The following SEC24B variants were observed in gnomAD, a reference collection of about 807,000 sequenced individuals.
The protein encoded by SEC24B is protein transport protein Sec24B.
SEC24B carries 45 observed loss-of-function variants against 142.8 expected under a neutral mutation model. The ratio of observed to expected loss-of-function variants is 0.32; its 90% CI spans 0.25 to 0.40. The LOEUF (loss-of-function observed/expected upper bound fraction) is 0.40. Ranked by LOEUF, SEC24B falls within the 10% of genes least tolerant of loss-of-function variation. The pLI is 1.00. For synonymous variants in SEC24B, 574 were observed against 568.2 expected (o/e 1.01, Z -0.15); for missense variants, 1,409 against 1,526.8 (o/e 0.92, Z 1.29).
chr4:109,434,102 G>C (rs1164513099), intron 1 of SEC24B, 100 bp downstream of exon 1: 1 of 825,736 alleles, frequency 1.2e-6, no homozygotes, highest in African/African-American at 1.8e-5. Flanking sequence ...AAGGGCGTTC[G>C]GGGCCAGGCC....
intron 5 of SEC24B, among the ~76,000 whole-genome samples, chr4:109,492,278 T>G (rs1735099378): frequency 6.6e-6 from 1 of 152,156 alleles, no homozygotes; most frequent in Non-Finnish European, 1.5e-5. Flanking sequence ...ACGACTCAGT[T>G]TTTTGTAGTT....
In SEC24B at chr4:109,513,758, T is replaced by C; in HGVS notation, c.1915T>C (p.Phe639Leu). The stretch of plus-strand genomic sequence containing the variant: ...GACCTCTTATCTAGTTCCTGAAGAA[T>C]TTATGTATAACCCCCTTACCCGATC... Reference protein sequence around the residue: ...CYRVNDVPEEFMYNPLTRSYG... With the variant: ...CYRVNDVPEELMYNPLTRSYG... Residue 639 changes from phenylalanine to leucine, a missense_variant, in exon 10 of 24, where the codon TTT becomes CTT. Around this residue, in one of 2 missense-constraint regions of SEC24B, gnomAD observed 700 missense variants for 853.3 expected, o/e 0.82. Transcript: ENST00000265175. 1 of 1,608,856 alleles carries C rather than the reference T, an allele frequency of 6.2e-7. No individual in the cohort carries two copies. The highest frequency in any genetic ancestry group is 8.5e-7 in the Non-Finnish European group (1 of 1,175,418).
At chr4:109,454,633 G>C (rs1457986981) in intron 1 of SEC24B, among the ~76,000 whole-genome samples, 1 of 152,058 alleles carries the variant, frequency 6.6e-6, no homozygotes, top group East Asian at 1.9e-4. Context: ...ACTTTCTGTT[G>C]CCTGCCTGTC....
chr4:109,531,339 A>G (rs1724907856), intron 19 of SEC24B, 46 bp from the exon 20 acceptor site: 1 of 1,517,392 alleles, frequency 6.6e-7, no homozygotes, highest in Non-Finnish European at 9.0e-7. Flanking sequence ...ATATTTGTCC[A>G]CCATATTTGT....
chr4:109,486,538 C>T (rs763175944), intron 4 of SEC24B, among the ~76,000 whole-genome samples: 5 of 152,124 alleles, frequency 3.3e-5, no homozygotes, highest in African/African-American at 4.8e-5. Flanking sequence ...TTTTCTCTTT[C>T]CTTTTTTCTT....
chr4:109,442,490 T>A (rs1034402835), intron 1 of SEC24B, among the ~76,000 whole-genome samples: 1 of 152,216 alleles, frequency 6.6e-6, no homozygotes, highest in Non-Finnish European at 1.5e-5. Flanking sequence ...CATTCTTCGA[T>A]CTGATTCTAC....
intron 3 of SEC24B, among the ~76,000 whole-genome samples, chr4:109,479,633 C>G (rs939436300): frequency 6.6e-6 from 1 of 151,996 alleles, no homozygotes; most frequent in Non-Finnish European, 1.5e-5. Flanking sequence ...TGGGGTCTCA[C>G]TATGTTGCCC....
rs1228941969 is a variant in SEC24B, at chr4:109,433,890, C to T, written c.21C>T (p.Ser7=). 1.5e-6 allele frequency: 2 copies of T among 1,343,476 alleles called. No homozygotes were observed. The highest frequency in any genetic ancestry group is 6.1e-5 in the Admixed American group (2 of 32,718). 83.2% of individuals were successfully genotyped at this position (1,343,476 alleles called of 1,614,324 possible). A position where few individuals can be genotyped will look rare whatever the true frequency, so the allele number is the denominator to read the frequency against. The change falls in exon 1 of 24, where the codon TCC becomes TCT. Residue 7 remains serine, a synonymous_variant. Transcript: ENST00000265175. ...CCGTCATGTCGGCCCCCGCCGGGTC[C>T]TCTCACCCGGCCGCCAGCGCCCGGA... MSAPAG[S]SHPAASARIP...
intron 3 of SEC24B, among the ~76,000 whole-genome samples, chr4:109,474,772 C>T (rs1732924789): frequency 6.6e-6 from 1 of 152,174 alleles, no homozygotes; most frequent in Admixed American, 6.5e-5. Context: ...ACCATCCTAT[C>T]ATCTTTTTAT....
chr4:109,491,510 T>TAAAA, intron 5 of SEC24B, 103 bp downstream of exon 5: 1 of 832,390 alleles, frequency 1.2e-6, no homozygotes, highest in Admixed American at 2.4e-5. Flanking sequence ...GCTATATTTT[T>TAAAA]AACAAGAAAA....
intron 6 of SEC24B, among the ~76,000 whole-genome samples, chr4:109,504,995 C>T (rs192955849): frequency 1.6e-4 from 24 of 152,032 alleles, no homozygotes; most frequent in Admixed American, 3.9e-4. Context: ...ATATTTACAA[C>T]AGTATATATG....
rs149930909 is a variant in SEC24B at position 109,505,013 on chromosome 4, T to C, written c.1489-1315T>C. Among the ~76,000 whole-genome samples, 427 of 152,212 alleles carry C rather than the reference T, an allele frequency of 2.8e-3. 2 individuals carry two copies. The highest frequency in any genetic ancestry group is 9.8e-3 in the African/African-American group (408 of 41,564). ...TTTACAACAGTATATATGTTTAGCTTATATAAATAGAAACAATGGAAGGAT... is the reference window on the plus strand; with the variant it reads ...TTTACAACAGTATATATGTTTAGCTCATATAAATAGAAACAATGGAAGGAT... On this transcript the variant is annotated intron_variant, in intron 6 of 23. Transcript: ENST00000265175.
intron 4 of SEC24B, among the ~76,000 whole-genome samples, chr4:109,490,036 T>C (rs1734849164): frequency 6.6e-6 from 1 of 152,078 alleles, no homozygotes; most frequent in Non-Finnish European, 1.5e-5. Flanking sequence ...CTATTACTTA[T>C]TTAATGGGTG....
chr4:109,466,825 G>C (rs1692632682), intron 2 of SEC24B, among the ~76,000 whole-genome samples: 3 of 152,206 alleles, frequency 2.0e-5, no homozygotes. Flanking sequence ...TCATTTTATA[G>C]AGTTGGAGAT....
chr4:109,491,763 C>G (rs945264106), intron 5 of SEC24B, among the ~76,000 whole-genome samples: 1 of 150,704 alleles, frequency 6.6e-6, no homozygotes, highest in Non-Finnish European at 1.5e-5. Context: ...CAACCAGCCT[C>G]TGAGTATAGT....
intron 1 of SEC24B, among the ~76,000 whole-genome samples, chr4:109,456,700 T>A (rs77838855): frequency 0.012 from 1,785 of 152,358 alleles, 12 homozygotes; most frequent in Admixed American, 0.018. Flanking sequence ...TCACATTGAA[T>A]GTATTTCAAA....
chr4:109,459,788 C>G (rs1373276195), intron 1 of SEC24B, among the ~76,000 whole-genome samples: 2 of 152,060 alleles, frequency 1.3e-5, no homozygotes, highest in Admixed American at 1.3e-4. Flanking sequence ...CATGGATATG[C>G]CAGATCAGTC....
chr4:109,538,164 T>C (rs1044069324), intron 22 of SEC24B, among the ~76,000 whole-genome samples: 5 of 152,216 alleles, frequency 3.3e-5, no homozygotes, highest in Admixed American at 2.6e-4. Context: ...TCCCCCTTCA[T>C]TTGAACATTT....
At chr4:109,451,552 C>T (rs1043805321) in intron 1 of SEC24B, among the ~76,000 whole-genome samples, 1 of 152,084 alleles carries the variant, frequency 6.6e-6, no homozygotes, top group African/African-American at 2.4e-5. Flanking sequence ...CCTTTTCCCC[C>T]AATCTTTTTG....
Sources: gnomAD v4.1 joint callset for allele counts (sites outside exome capture counted in the v4.1 genomes callset) on GRCh38, gnomAD v4.1.1 for gene constraint, gnomAD v4.1.1 regional missense constraint, MANE v1.5 for transcripts, NCBI Gene and HGNC (gene_info 2026-07-23, HGNC 2026-07-21) for gene names.